The following DPP6 variants were observed in gnomAD, a reference collection of about 807,000 sequenced individuals.
The protein encoded by DPP6 is A-type potassium channel modulatory protein DPP6.
Under a neutral mutation model 122.6 loss-of-function variants are expected in DPP6, and 69 were observed. That is an observed-to-expected ratio of 0.56 (90% CI 0.46 to 0.69). The LOEUF (loss-of-function observed/expected upper bound fraction) is 0.69. Ranked by LOEUF, DPP6 falls within the 30% of genes least tolerant of loss-of-function variation. The pLI is 0.00. For missense variants in DPP6, 928 were observed against 1,116.9 expected, an observed-to-expected ratio of 0.83 and a Z score of 2.41; for synonymous variants, 418 against 433.1, an observed-to-expected ratio of 0.97 and a Z score of 0.43.
intron 1 of DPP6, among the ~76,000 whole-genome samples, chr7:154,374,402 G>A (rs1305195149): frequency 6.6e-6 from 1 of 152,108 alleles, no homozygotes; most frequent in South Asian, 2.1e-4. Context: ...CCATTTTAAG[G>A]AAAAGGTGTG....
intron 3 of DPP6, among the ~76,000 whole-genome samples, chr7:154,478,703 G>A (rs1439101507): frequency 6.6e-6 from 1 of 152,106 alleles, no homozygotes; most frequent in Non-Finnish European, 1.5e-5. Flanking sequence ...AGGTCTGTCT[G>A]GTTTTTATAA....
At chr7:154,874,932 T>G (rs1804722790) in intron 19 of DPP6, among the ~76,000 whole-genome samples, 1 of 151,958 alleles carries the variant, frequency 6.6e-6, no homozygotes, top group Admixed American at 6.5e-5. Context: ...CTCTACAGAT[T>G]AACAGATTTT....
intron 1 of DPP6, among the ~76,000 whole-genome samples, chr7:154,326,854 A>C (rs868528689): frequency 6.6e-6 from 1 of 152,220 alleles, no homozygotes; most frequent in Non-Finnish European, 1.5e-5. Context: ...TGATTGGAAC[A>C]TTTAAAAGAT....
chr7:153,985,116 G>A (rs185993610), intron 1 of DPP6, among the ~76,000 whole-genome samples: 1 of 152,196 alleles, frequency 6.6e-6, no homozygotes, highest in African/African-American at 2.4e-5. Flanking sequence ...GTACCTATTT[G>A]CCCATGTGAT....
chr7:154,293,591 T>G (rs914151891), intron 1 of DPP6, among the ~76,000 whole-genome samples: 1 of 152,190 alleles, frequency 6.6e-6, no homozygotes, highest in African/African-American at 2.4e-5. Context: ...TGGCCCACAT[T>G]TTCTTTCTGC....
intron 8 of DPP6, among the ~76,000 whole-genome samples, chr7:154,767,889 G>T (rs2131542063): frequency 1.3e-5 from 2 of 152,298 alleles, no homozygotes; most frequent in Middle Eastern, 3.4e-3. Context: ...CTTCGGTGGG[G>T]GGCTGTCTGC....
chr7:153,760,713 T>G, the DPP6 span, among the ~76,000 whole-genome samples: 14 of 152,226 alleles, frequency 9.2e-5, 1 homozygote, highest in South Asian at 2.9e-3. Context: ...CTATGAAATG[T>G]CCATGAATCA....
the DPP6 span, among the ~76,000 whole-genome samples, chr7:153,797,017 G>A: frequency 6.6e-6 from 1 of 152,280 alleles, no homozygotes; most frequent in South Asian, 2.1e-4. Flanking sequence ...GTTGCAAGCT[G>A]CCCTGTGGAG....
At chr7:153,767,423 A>C in the DPP6 span, among the ~76,000 whole-genome samples, 1 of 152,132 alleles carries the variant, frequency 6.6e-6, no homozygotes, top group African/African-American at 2.4e-5. Context: ...ACTGGAGTAC[A>C]GTGGTACAAT....
chr7:154,369,090 T>C (rs1812424840), intron 1 of DPP6, among the ~76,000 whole-genome samples: 1 of 152,136 alleles, frequency 6.6e-6, no homozygotes, highest in African/African-American at 2.4e-5. Flanking sequence ...TTTTGTTTGT[T>C]CATTCGTTCG....
chr7:153,913,002 G>A (rs1418483893), intron 1 of DPP6, among the ~76,000 whole-genome samples: 6 of 152,290 alleles, frequency 3.9e-5, no homozygotes, highest in South Asian at 2.1e-4. Context: ...GGTAACCAAC[G>A]ATGGAGGTTT....
At chr7:153,766,044 G>A in the DPP6 span, among the ~76,000 whole-genome samples, 1 of 152,220 alleles carries the variant, frequency 6.6e-6, no homozygotes, top group African/African-American at 2.4e-5. Flanking sequence ...ACCACATTTT[G>A]AGTGGTAAGG....
intron 1 of DPP6, among the ~76,000 whole-genome samples, chr7:153,971,364 A>G (rs1177242126): frequency 6.6e-6 from 1 of 151,292 alleles, no homozygotes. Context: ...TGTTCATTTT[A>G]TCTGCAAATC....
intron 1 of DPP6, among the ~76,000 whole-genome samples, chr7:154,206,145 C>T (rs890469664): frequency 6.6e-6 from 1 of 152,256 alleles, no homozygotes; most frequent in African/African-American, 2.4e-5. Context: ...TGTCTCTGAC[C>T]AAAGTCCTCA....
intron 1 of DPP6, among the ~76,000 whole-genome samples, chr7:154,286,316 T>C (rs865839063): frequency 3.0e-4 from 45 of 152,100 alleles, no homozygotes; most frequent in African/African-American, 1.0e-3. Context: ...CAAGATCATT[T>C]TGTGGCACTG....
intron 1 of DPP6, among the ~76,000 whole-genome samples, chr7:154,128,956 G>T (rs1407866346): frequency 6.6e-6 from 1 of 151,904 alleles, no homozygotes; most frequent in Admixed American, 6.6e-5. Context: ...GCCGTCCTGG[G>T]CAGAAAAGGG....
intron 3 of DPP6, among the ~76,000 whole-genome samples, chr7:154,524,986 T>C (rs1827287562): frequency 1.3e-5 from 2 of 152,184 alleles, no homozygotes; most frequent in South Asian, 4.2e-4. Context: ...AGAATGGTAC[T>C]CAGAGACAAA....
intron 3 of DPP6, among the ~76,000 whole-genome samples, chr7:154,500,958 T>G (rs10452836): frequency 0.26 from 39,155 of 152,126 alleles, 5,517 homozygotes; most frequent in East Asian, 0.56. Context: ...GATAGTGCTA[T>G]GGACAATGAA....
At position 154,242,611 on chromosome 7, in the gene DPP6, G is replaced by A. The variant is rs541562863; in HGVS notation, c.243+189548G>A. Among the ~76,000 whole-genome samples, 3 of 152,322 alleles carry A rather than the reference G, an allele frequency of 2.0e-5. No homozygotes were observed. In the East Asian group the frequency reaches 5.8e-4, roughly 29 times the overall value. On this transcript the variant is annotated intron_variant, in intron 1 of 25. Transcript: ENST00000377770. ...TCTTGAGAGAAAGGAAACATGAGAG[G>A]TGAGGCTCAGTTTGCCCCAGTGCTC... is the stretch of plus-strand genomic sequence containing the variant.
Sources: gnomAD v4.1 joint callset for allele counts (sites outside exome capture counted in the v4.1 genomes callset) on GRCh38, gnomAD v4.1.1 for gene constraint, MANE v1.5 for transcripts, NCBI Gene and HGNC (gene_info 2026-07-23, HGNC 2026-07-21) for gene names.